The following ZFPM2 variants were observed in gnomAD, a reference collection of about 807,000 sequenced individuals.
ZFPM2 encodes the protein zinc finger protein ZFPM2.
Under a neutral mutation model 98.6 loss-of-function variants are expected in ZFPM2, and 20 were observed. The ratio of observed to expected loss-of-function variants is 0.20; its 90% CI spans 0.14 to 0.29. The LOEUF (loss-of-function observed/expected upper bound fraction) is 0.29. Among genes scored for constraint, ZFPM2 ranks in the 10% least tolerant of loss-of-function variants. The probability of loss-of-function intolerance (pLI) is 1.00; values close to 1 mark genes in which losing one functional copy is unlikely to be tolerated. For missense variants in ZFPM2, 1,310 were observed against 1,388.6 expected (o/e 0.94, Z 0.90); for synonymous variants, 518 against 502.7 (o/e 1.03, Z -0.41).
chr8:105,597,997 C>T (rs1326528155), intron 4 of ZFPM2, among the ~76,000 whole-genome samples: 1 of 150,438 alleles, frequency 6.6e-6, no homozygotes, highest in African/African-American at 2.5e-5. Flanking sequence ...TGTTGTTCTG[C>T]TGCATAAAAC....
intron 1 of ZFPM2, among the ~76,000 whole-genome samples, chr8:105,369,309 A>G (rs1464917095): frequency 6.6e-6 from 1 of 152,174 alleles, no homozygotes; most frequent in Non-Finnish European, 1.5e-5. Flanking sequence ...ATGTTTTTAT[A>G]CTTTTAAGCA....
chr8:105,336,122 G>T (rs1812321154), intron 1 of ZFPM2, among the ~76,000 whole-genome samples: 1 of 151,826 alleles, frequency 6.6e-6, no homozygotes, highest in Admixed American at 6.6e-5. Context: ...AAGGGGTATT[G>T]TTATAATGTT....
chr8:105,629,062 G>A (rs1238816099), intron 4 of ZFPM2, among the ~76,000 whole-genome samples: 20 of 152,094 alleles, frequency 1.3e-4, no homozygotes, highest in Admixed American at 1.3e-3. Flanking sequence ...CATTCCTGCC[G>A]GCACTAAAGC....
At chr8:105,797,905 T>G (rs932220652) in intron 6 of ZFPM2, among the ~76,000 whole-genome samples, 1 of 152,214 alleles carries the variant, frequency 6.6e-6, no homozygotes, top group African/African-American at 2.4e-5. Flanking sequence ...GCTGACCACA[T>G]GTCCATCAAC....
intron 1 of ZFPM2, among the ~76,000 whole-genome samples, chr8:105,408,530 G>A (rs901222358): frequency 1.3e-5 from 2 of 151,792 alleles, no homozygotes; most frequent in African/African-American, 2.4e-5. Flanking sequence ...GAGATCTGTC[G>A]GAGGTTTTCT....
At position 105,671,762 on chromosome 8, in the gene ZFPM2, A is replaced by C. The variant is rs747615114; in HGVS notation, c.532+37405A>C. ...TAGTTTAGTTGCCAAGACTTTTGGG[A>C]ACTTGACTGTGTGACAATTTTCTAA... On this transcript the variant is annotated intron_variant, in intron 5 of 7. Coordinates refer to ENST00000407775, the MANE Select transcript of ZFPM2 (RefSeq NM_012082.4). Among the ~76,000 whole-genome samples, 12 of 152,216 alleles carry C rather than the reference A, an allele frequency of 7.9e-5. No individual in the cohort carries two copies. In the Middle Eastern group the frequency reaches 0.01, roughly 129 times the overall value.
intron 3 of ZFPM2, among the ~76,000 whole-genome samples, chr8:105,534,944 G>A (rs761188588): frequency 2.6e-5 from 4 of 152,090 alleles, no homozygotes; most frequent in Non-Finnish European, 5.9e-5. Context: ...TATAGTAACA[G>A]CAAGTTTTCA....
Position 105,644,947 on chromosome 8 carries a change from C to A in ZFPM2, c.532+10590C>A, listed in dbSNP as rs141014924. 2.0e-3 allele frequency among the ~76,000 whole-genome samples: 299 copies of A among 152,294 alleles called. 4 individuals carry two copies. Among genetic ancestry groups the A allele is most frequent in the Non-Finnish European group, 2.0e-3 (137 of 68,032 alleles). ...CATATACATTTTGGGGAGACATAAA[C>A]ATTCAGTTGATAACCTCCTCTGTAT... On this transcript the variant is annotated intron_variant, in intron 5 of 7. Transcript: ENST00000407775.
intron 3 of ZFPM2, among the ~76,000 whole-genome samples, chr8:105,447,551 A>G (rs903220621): frequency 6.6e-6 from 1 of 152,150 alleles, no homozygotes; most frequent in South Asian, 2.1e-4. Flanking sequence ...AATTGAGTTT[A>G]GCCGCAAATT....
chr8:105,533,423 A>T (rs1419215801), intron 3 of ZFPM2, among the ~76,000 whole-genome samples: 1 of 152,166 alleles, frequency 6.6e-6, no homozygotes, highest in Non-Finnish European at 1.5e-5. Flanking sequence ...ATTGATGAGA[A>T]ATGTGTGACT....
intron 5 of ZFPM2, among the ~76,000 whole-genome samples, chr8:105,706,107 G>A (rs1354787491): frequency 1.3e-5 from 2 of 151,774 alleles, no homozygotes; most frequent in African/African-American, 2.4e-5. Flanking sequence ...TAAGTCTTAG[G>A]GACATTAAAT....
chr8:105,771,629 C>A (rs1586251933), intron 5 of ZFPM2, among the ~76,000 whole-genome samples: 1 of 152,204 alleles, frequency 6.6e-6, no homozygotes, highest in East Asian at 1.9e-4. Flanking sequence ...ATCACACGAG[C>A]AAAAATTTGA....
In ZFPM2 at chr8:105,802,222, C is replaced by T; in HGVS notation, c.2140C>T (p.His714Tyr). 2.5e-6 allele frequency: 4 copies of T among 1,613,906 alleles called. No individual in the cohort carries two copies. The highest frequency in any genetic ancestry group is 3.4e-6 in the Non-Finnish European group (4 of 1,179,862). Residue 714 changes from histidine to tyrosine, a missense_variant, in exon 8 of 8, where the codon CAC becomes TAC. Transcript: ENST00000407775. ...CAAACAGTATTACTGTGCTACACGC[C>T]ACGACCCTCCACTGAAGAGGTCTGC... is the stretch of plus-strand genomic sequence containing the variant. ...VHKQYYCATR[H>Y]DPPLKRSASN...
intron 3 of ZFPM2, among the ~76,000 whole-genome samples, chr8:105,453,858 C>G (rs1226549193): frequency 6.6e-6 from 1 of 152,004 alleles, no homozygotes; most frequent in Admixed American, 6.5e-5. Context: ...CTCCTGACCT[C>G]AAGTGATCCA....
At chr8:105,733,294 G>A (rs547833970) in intron 5 of ZFPM2, among the ~76,000 whole-genome samples, 3 of 151,934 alleles carry the variant, frequency 2.0e-5, no homozygotes, top group Admixed American at 6.6e-5. Context: ...GTTGCACATT[G>A]GCTAATTGTG....
At chr8:105,327,577 T>C (rs916323992) in intron 1 of ZFPM2, among the ~76,000 whole-genome samples, 2 of 151,524 alleles carry the variant, frequency 1.3e-5, no homozygotes, top group African/African-American at 4.8e-5. Flanking sequence ...ACAGAAAAAA[T>C]AGCTAAAAAT....
At chr8:105,467,916 A>G (rs1350196030) in intron 3 of ZFPM2, among the ~76,000 whole-genome samples, 2 of 152,010 alleles carry the variant, frequency 1.3e-5, no homozygotes, top group African/African-American at 4.8e-5. Context: ...TGATTTGGCA[A>G]AAATCTGCTC....
intron 1 of ZFPM2, among the ~76,000 whole-genome samples, chr8:105,380,614 TATTATA>T (rs1810830804): frequency 1.5e-5 from 1 of 68,028 alleles, no homozygotes; most frequent in Admixed American, 2.7e-4. Context: ...TATATATATA[TATTATA>T]TATAACATAT....
At chr8:105,398,812 C>G (rs1811276175) in intron 1 of ZFPM2, among the ~76,000 whole-genome samples, 1 of 152,070 alleles carries the variant, frequency 6.6e-6, no homozygotes, top group South Asian at 2.1e-4. Flanking sequence ...CATTATTCAG[C>G]AAATGTGTGG....
Sources: allele counts gnomAD v4.1 joint callset (sites outside exome capture counted in the v4.1 genomes callset), GRCh38; gene constraint gnomAD v4.1.1; transcripts MANE v1.5; gene names NCBI Gene and HGNC (gene_info 2026-07-23, HGNC 2026-07-21).